The following FNIP2 variants were observed in gnomAD, a reference collection of about 807,000 sequenced individuals.
FNIP2 encodes folliculin-interacting protein 2.
A neutral mutation model predicts 108.7 loss-of-function variants in FNIP2; 32 were observed. That is an observed-to-expected ratio of 0.29 (90% confidence interval 0.22 to 0.40). FNIP2 has a LOEUF of 0.40. FNIP2 is among the 10% of genes least tolerant of loss of function. The pLI is 1.00. For missense variants in FNIP2, 1,202 were observed against 1,381.6 expected (o/e 0.87, Z 2.06); for synonymous variants, 480 against 496.7 (o/e 0.97, Z 0.45).
chr4:158,883,368 A>G (rs1421948869), intron 14 of FNIP2, among the ~76,000 whole-genome samples: 1 of 151,818 alleles, frequency 6.6e-6, no homozygotes, highest in Non-Finnish European at 1.5e-5. Context: ...CAGCCTCCCG[A>G]GTAGCTGGGA....
chr4:158,859,789 C>A, intron 10 of FNIP2, 123 bp downstream of exon 10: 1 of 802,898 alleles, frequency 1.2e-6, no homozygotes, highest in Non-Finnish European at 2.1e-6. Flanking sequence ...TGGTTCCGCC[C>A]TTCAAGATGG....
chr4:158,820,554 T>C (rs1462180198), intron 1 of FNIP2, among the ~76,000 whole-genome samples: 1 of 152,240 alleles, frequency 6.6e-6, no homozygotes, highest in Non-Finnish European at 1.5e-5. Flanking sequence ...ATTCTCTTTC[T>C]TGAAATCTTG....
At chr4:158,839,743 T>G (rs985318622) in intron 7 of FNIP2, among the ~76,000 whole-genome samples, 2 of 152,290 alleles carry the variant, frequency 1.3e-5, no homozygotes, top group East Asian at 1.9e-4. Context: ...CATGCTCCTT[T>G]AACATACCTC....
intron 12 of FNIP2, 49 bp downstream of exon 12, chr4:158,861,825 A>G (rs1016307278): frequency 6.3e-7 from 1 of 1,595,184 alleles, no homozygotes; most frequent in Non-Finnish European, 8.6e-7. Context: ...TGGAATAGGA[A>G]AAAAATGCTA....
chr4:158,806,040 C>CT (rs11378632), intron 1 of FNIP2: 197,576 of 651,142 alleles, frequency 0.3, 11,653 homozygotes, highest in East Asian at 0.68. Context: ...AATGTTCCAC[C>CT]TTTTTTTTTT....
At chr4:158,880,867 C>T (rs529004373) in intron 14 of FNIP2, among the ~76,000 whole-genome samples, 8 of 152,196 alleles carry the variant, frequency 5.3e-5, no homozygotes, top group Admixed American at 5.2e-4. Flanking sequence ...ATAGGTGGGT[C>T]TTCTCCTCTG....
intron 14 of FNIP2, among the ~76,000 whole-genome samples, chr4:158,873,601 C>G (rs1420473416): frequency 6.6e-6 from 1 of 152,116 alleles, no homozygotes; most frequent in Non-Finnish European, 1.5e-5. Context: ...TTTTTTTGTA[C>G]TTTTCTTATC....
In FNIP2 at chr4:158,881,996, AG is replaced by A. The variant is rs545088254; in HGVS notation, c.2950-9448del. Reference sequence around the variant, plus strand: ...CCTCTTCCCGGCCGCCATCCAGTCTAGGAAGTGAGGAGTGTCTCTGCCCAGT... The same window carrying A: ...CCTCTTCCCGGCCGCCATCCAGTCTAGAAGTGAGGAGTGTCTCTGCCCAGT... On this transcript the variant is annotated intron_variant, in intron 14 of 16. Transcript: ENST00000264433. Among the ~76,000 whole-genome samples, 39 of 146,530 alleles carry A rather than the reference AG, an allele frequency of 2.7e-4. No homozygotes were observed. The South Asian group carries it at 8.0e-3, about 30-fold the overall frequency.
rs577948588 is a variant in FNIP2, at chr4:158,790,393, T to C, written c.107+21074T>C. 2.0e-5 allele frequency among the ~76,000 whole-genome samples: 3 copies of C among 152,088 alleles called. No individual in the cohort carries two copies. The East Asian group carries it at 5.8e-4, about 30-fold the overall frequency. ...ACTTATAGCCATTATTCTTAATAAA[T>C]ATTTTGGTTCAGATAAGGGATACTC... On this transcript the variant is annotated intron_variant, in intron 1 of 16. Transcript: ENST00000264433.
At chr4:158,899,392 C>G (rs1253455989) in intron 16 of FNIP2, among the ~76,000 whole-genome samples, 1 of 152,190 alleles carries the variant, frequency 6.6e-6, no homozygotes, top group African/African-American at 2.4e-5. Flanking sequence ...AGAAGTCCCT[C>G]TTTTTCTATT....
chr4:158,881,458 G>T (rs1578970519), intron 14 of FNIP2, among the ~76,000 whole-genome samples: 4 of 141,528 alleles, frequency 2.8e-5, no homozygotes, highest in African/African-American at 5.3e-5. Context: ...TCTTTCCACG[G>T]TCTCCCTCTC....
chr4:158,854,040 T>C (rs889374786), intron 8 of FNIP2, among the ~76,000 whole-genome samples: 2 of 152,348 alleles, frequency 1.3e-5, no homozygotes, highest in African/African-American at 4.8e-5. Flanking sequence ...TTTTGTCCAG[T>C]ATAACAATCT....
At chr4:158,872,191 A>G (rs1780991954) in intron 14 of FNIP2, 1 of 985,218 alleles carries the variant, frequency 1.0e-6, no homozygotes, top group South Asian at 4.7e-5. Context: ...AATGCCCTGG[A>G]TTTACTCACT....
At chr4:158,877,061 C>A (rs1560824823) in intron 14 of FNIP2, among the ~76,000 whole-genome samples, 1 of 152,044 alleles carries the variant, frequency 6.6e-6, no homozygotes, top group Non-Finnish European at 1.5e-5. Context: ...AAGCTACCAA[C>A]CCTCTCTCAT....
intron 1 of FNIP2, among the ~76,000 whole-genome samples, chr4:158,776,591 A>C (rs995950640): frequency 2.6e-5 from 4 of 152,278 alleles, no homozygotes; most frequent in African/African-American, 9.6e-5. Flanking sequence ...ATTTAAAGAT[A>C]GTTACAAAAA....
chr4:158,849,063 G>C (rs1779559100), intron 7 of FNIP2, among the ~76,000 whole-genome samples: 1 of 152,168 alleles, frequency 6.6e-6, no homozygotes, highest in African/African-American at 2.4e-5. Flanking sequence ...ATTTCTTCCT[G>C]TCAGGTATAG....
chr4:158,832,004 C>G, intron 4 of FNIP2, 43 bp downstream of exon 4: 1 of 1,595,122 alleles, frequency 6.3e-7, no homozygotes, highest in African/African-American at 1.3e-5. Context: ...AGAAGTGGAA[C>G]GGTGGTATTG....
intron 14 of FNIP2, among the ~76,000 whole-genome samples, chr4:158,889,105 T>A (rs1293962319): frequency 6.6e-6 from 1 of 151,982 alleles, no homozygotes; most frequent in Non-Finnish European, 1.5e-5. Context: ...GGCAGGAGGA[T>A]CACTTGAGCT....
At chr4:158,817,595 G>A (rs981242885) in intron 1 of FNIP2, among the ~76,000 whole-genome samples, 1 of 152,096 alleles carries the variant, frequency 6.6e-6, no homozygotes, top group African/African-American at 2.4e-5. Context: ...CGCCCAGGCT[G>A]GAGTACAGTG....
Sources: allele counts gnomAD v4.1 joint callset (sites outside exome capture counted in the v4.1 genomes callset), GRCh38; gene constraint gnomAD v4.1.1; transcripts MANE v1.5; gene names NCBI Gene and HGNC (gene_info 2026-07-23, HGNC 2026-07-21).